DMXL1: variants seen among roughly 807,000 people sequenced by gnomAD.
DMXL1 encodes dmX-like protein 1.
A neutral mutation model predicts 319.2 loss-of-function variants in DMXL1; 99 were observed. The ratio of observed to expected loss-of-function variants is 0.31; its 90% CI spans 0.26 to 0.37. The LOEUF is 0.37. DMXL1 is among the 10% of genes least tolerant of loss of function. DMXL1 has a pLI of 1.00. For missense variants in DMXL1, 3,745 were observed against 3,595.6 expected, an observed-to-expected ratio of 1.04 and a Z score of -1.06; for synonymous variants, 1,385 against 1,235.2, an observed-to-expected ratio of 1.12 and a Z score of -2.54.
Position 119,170,628 on chromosome 5 carries a change from C to G in DMXL1, c.5837C>G (p.Ser1946Cys), listed in dbSNP as rs970060624. Reference protein sequence around the residue: ...SEGSSEKQSNSTLSFDWSQPS... With the variant: ...SEGSSEKQSNCTLSFDWSQPS... ...GGTTCCTCAGAGAAGCAATCAAACT[C>G]CACTCTTTCTTTTGACTGGAGCCAA... is the stretch of plus-strand genomic sequence containing the variant. Residue 1946 changes from serine (S) to cysteine (C), a missense_variant, in exon 24 of 44, where the codon TCC (serine) becomes TGC (cysteine). Ser to Cys is a moderately radical substitution (Grantham distance 112, BLOSUM62 -1). Coordinates refer to ENST00000539542, the MANE Select transcript of DMXL1 (RefSeq NM_001290321.3). The G allele has an allele frequency of 1.3e-5, 21 of 1,613,326 alleles. No homozygotes were observed. The highest frequency in any genetic ancestry group is 1.5e-5 in the Non-Finnish European group (18 of 1,179,840).
chr5:119,198,051 C>G, intron 32 of DMXL1, 95 bp downstream of exon 32: 1 of 1,175,254 alleles, frequency 8.5e-7, no homozygotes, highest in South Asian at 1.3e-5. Context: ...TGCAGTGGCA[C>G]AATCTCAGCT....
chr5:119,127,034 G>C (rs945184832), intron 9 of DMXL1: 7 of 166,280 alleles, frequency 4.2e-5, no homozygotes, highest in Non-Finnish European at 5.9e-5. Flanking sequence ...GCTACATGCT[G>C]TCTTCTTTCC....
At chr5:119,122,142 C>G (rs1762252530) in intron 9 of DMXL1, among the ~76,000 whole-genome samples, 1 of 135,302 alleles carries the variant, frequency 7.4e-6, no homozygotes, top group Non-Finnish European at 1.6e-5. Flanking sequence ...GGGGGCTGAC[C>G]CCCCCACCTC....
chr5:119,126,434 C>G (rs1488922661), intron 9 of DMXL1, among the ~76,000 whole-genome samples: 1 of 152,166 alleles, frequency 6.6e-6, no homozygotes, highest in Non-Finnish European at 1.5e-5. Flanking sequence ...GGAATATCCT[C>G]TCAACAGTCA....
chr5:119,103,517 C>G (rs1757707833), intron 3 of DMXL1, among the ~76,000 whole-genome samples: 1 of 152,160 alleles, frequency 6.6e-6, no homozygotes, highest in Admixed American at 6.5e-5. Flanking sequence ...GTAAAACCAT[C>G]TGTATTGATT....
intron 22 of DMXL1, 72 bp downstream of exon 22, chr5:119,166,853 AT>A: frequency 2.4e-6 from 3 of 1,228,098 alleles, no homozygotes; most frequent in South Asian, 3.3e-5. Flanking sequence ...TTAAATTTTT[AT>A]TTTTTTAAAT....
At chr5:119,091,327 T>G (rs948018566) in intron 1 of DMXL1, among the ~76,000 whole-genome samples, 15 of 152,108 alleles carry the variant, frequency 9.9e-5, no homozygotes, top group African/African-American at 3.6e-4. Flanking sequence ...CATCTCAGCC[T>G]CCTTGGTAGC....
At chr5:119,232,479 G>A (rs893017140) in intron 38 of DMXL1, among the ~76,000 whole-genome samples, 1 of 151,980 alleles carries the variant, frequency 6.6e-6, no homozygotes, top group Admixed American at 6.6e-5. Flanking sequence ...TATAAATTGA[G>A]TGTTATATGT....
rs1765253576 is a variant in DMXL1 at position 119,132,961 on chromosome 5, T to C, written c.1316-171T>C. 6.2e-6 allele frequency: 4 copies of C among 647,958 alleles called. No homozygotes were observed. The South Asian group carries it at 7.8e-5, about 13-fold the overall frequency. The allele number at this position is 647,958 out of a possible 1,614,324, so 40.1% of individuals were successfully genotyped here. ...TTTACTTAAAGTATATTGCAAAGAA[T>C]ACGGATAAAGAGATGTGTAGGGTGA... is the stretch of plus-strand genomic sequence containing the variant. On this transcript the variant is annotated intron_variant, in intron 10 of 43. Transcript: ENST00000539542.
intron 34 of DMXL1, among the ~76,000 whole-genome samples, chr5:119,208,256 C>T (rs531877737): frequency 1.0e-3 from 155 of 150,888 alleles, no homozygotes; most frequent in Non-Finnish European, 1.6e-3. Flanking sequence ...TCAGGTTTCC[C>T]AGACTGGAGT....
In DMXL1 at chr5:119,203,398, A is replaced by G. The variant is rs1188930281; in HGVS notation, c.7825A>G (p.Ile2609Val). Residue 2609 changes from isoleucine to valine, a missense_variant, in exon 33 of 44, where the codon ATC (isoleucine) becomes GTC (valine). This residue lies in a region of DMXL1 where 1,382 missense variants were observed against 1,269.5 expected (regional missense o/e 1.09). Transcript: ENST00000539542. ...VKQEEIQETF[I>V]KNIFTKKRCL... is the part of the protein sequence containing the mutation. ...GCAGGAAGAAATTCAGGAAACCTTT[A>G]TCAAAAATATATTCACAAAGAAACG... 4.4e-6 allele frequency: 7 copies of G among 1,605,488 alleles called. No individual in the cohort carries two copies. Among genetic ancestry groups the G allele is most frequent in the Admixed American group, 1.7e-5 (1 of 58,348 alleles).
chr5:119,133,155 C>T lies in DMXL1; in HGVS notation c.1339C>T (p.Leu447=), dbSNP rs1228322845. Reference sequence around the variant, plus strand: ...AGAAACTGATGATGGTGTTGATGATCTGAAAATAAATCCCGAAAAGAAGGA... The same window carrying T: ...AGAAACTGATGATGGTGTTGATGATTTGAAAATAAATCCCGAAAAGAAGGA... ...DEETDDGVDD[L]KINPEKKELG... is the part of the protein sequence containing the mutation. The change falls in exon 11 of 44, where the codon CTG becomes TTG. Residue 447 remains leucine, a synonymous_variant. Coordinates refer to ENST00000539542, the MANE Select transcript of DMXL1 (RefSeq NM_001290321.3). 1.9e-6 allele frequency: 3 copies of T among 1,614,070 alleles called. No individual in the cohort carries two copies. The highest frequency in any genetic ancestry group is 1.3e-5 in the African/African-American group (1 of 75,030).
chr5:119,243,268 CTAAG>C (rs893202747), intron 42 of DMXL1, among the ~76,000 whole-genome samples: 1 of 152,158 alleles, frequency 6.6e-6, no homozygotes, highest in African/African-American at 2.4e-5. Flanking sequence ...ACAATAATAA[CTAAG>C]TGTTTAGTTT....
chr5:119,099,472 G>C (rs1260584990), intron 2 of DMXL1, among the ~76,000 whole-genome samples: 1 of 152,240 alleles, frequency 6.6e-6, no homozygotes, highest in South Asian at 2.1e-4. Flanking sequence ...GCCTCCCAAA[G>C]TGCTGGGATT....
At chr5:119,177,256 ATAAT>A in intron 26 of DMXL1, 97 bp from the exon 27 acceptor site, 2 of 748,482 alleles carry the variant, frequency 2.7e-6, no homozygotes, top group Non-Finnish European at 4.0e-6. Context: ...TACTAGCAGT[ATAAT>A]TAATAAACAA....
intron 13 of DMXL1, among the ~76,000 whole-genome samples, chr5:119,138,693 C>G (rs899711716): frequency 1.3e-5 from 2 of 152,052 alleles, no homozygotes; most frequent in African/African-American, 4.8e-5. Flanking sequence ...AAAAATTAGC[C>G]AGATGTGGTG....
chr5:119,243,320 C>T (rs1789165547), intron 42 of DMXL1, among the ~76,000 whole-genome samples: 3 of 152,110 alleles, frequency 2.0e-5, no homozygotes, highest in Admixed American at 2.0e-4. Flanking sequence ...ATATTAAATC[C>T]TCAGGCAACC....
At chr5:119,184,092 C>T (rs559889557) in intron 28 of DMXL1, among the ~76,000 whole-genome samples, 8 of 144,440 alleles carry the variant, frequency 5.5e-5, no homozygotes, top group African/African-American at 8.6e-5. Flanking sequence ...CTTGCTCTGT[C>T]GCCCAGGCTG....
chr5:119,237,165 T>A (rs1787910492), intron 39 of DMXL1, 157 bp from the exon 40 acceptor site: 2 of 409,152 alleles, frequency 4.9e-6, no homozygotes, highest in African/African-American at 4.1e-5. Flanking sequence ...TAGCTGAATG[T>A]TTTTCTGAAA....
Sources: gnomAD v4.1 joint callset for allele counts (sites outside exome capture counted in the v4.1 genomes callset) on GRCh38, gnomAD v4.1.1 for gene constraint, gnomAD v4.1.1 regional missense constraint, MANE v1.5 for transcripts, NCBI Gene and HGNC (gene_info 2026-07-23, HGNC 2026-07-21) for gene names.